Variants in SNX19 observed in about 807,000 individuals in gnomAD.
SNX19 encodes sorting nexin 19.
SNX19 carries 60 observed loss-of-function variants against 85.2 expected under a neutral mutation model. That is an observed-to-expected ratio of 0.70 (90% CI 0.57 to 0.87). SNX19 has a LOEUF of 0.87. SNX19 is among the 40% of genes least tolerant of loss of function. The pLI, the probability that SNX19 is intolerant of heterozygous loss-of-function variation, is 0.00. For synonymous variants in SNX19, 520 were observed against 470.0 expected (o/e 1.11, Z -1.38); for missense variants, 1,201 against 1,217.8 (o/e 0.99, Z 0.21).
chr11:130,882,352 C>T (rs1020773407), intron 8 of SNX19, among the ~76,000 whole-genome samples: 1 of 152,240 alleles, frequency 6.6e-6, no homozygotes, highest in African/African-American at 2.4e-5. Context: ...TCACTTGTCA[C>T]TCATCCAAGA....
intron 2 of SNX19, chr11:130,911,388 C>A (rs949430231): frequency 2.7e-5 from 33 of 1,220,384 alleles, no homozygotes; most frequent in Non-Finnish European, 3.4e-5. Context: ...AATGTGAACA[C>A]TTATTTTTTA....
rs111502219 is a variant in SNX19, at chr11:130,914,933, A to G, written c.1007T>C (p.Val336Ala). The G allele has an allele frequency of 4.9e-5, 79 of 1,614,074 alleles. 1 individual carries two copies. The African/African-American group carries it at 8.9e-4, about 18-fold the overall frequency. The change falls in exon 1 of 11, where the codon GTA becomes GCA. Residue 336 changes from valine to alanine, a missense_variant. Val to Ala is a moderately conservative substitution (Grantham distance 64). Transcript: ENST00000265909. Reference protein sequence around the residue: ...SPEVEEGHEAVEGDLGGMCEE... With the variant: ...SPEVEEGHEAAEGDLGGMCEE... ...ACACATCCCACCCAAATCTCCCTCT[A>G]CAGCTTCGTGGCCTTCTTCAACCTC... is the stretch of plus-strand genomic sequence containing the variant.
chr11:130,914,099 C>T (rs935437751), intron 1 of SNX19, among the ~76,000 whole-genome samples, 167 bp downstream of exon 1: 7 of 151,820 alleles, frequency 4.6e-5, no homozygotes, highest in Non-Finnish European at 7.4e-5. Flanking sequence ...ACAGGATAAA[C>T]GCTACTCTGC....
rs777849084 is a variant in SNX19 at position 130,908,075 on chromosome 11, C to T, written c.2043G>A (p.Val681=). Residue 681 remains valine (V), a synonymous_variant, in exon 5 of 11, where the codon GTG becomes GTA. Coordinates refer to ENST00000265909, the MANE Select transcript of SNX19 (RefSeq NM_014758.3). The stretch of plus-strand genomic sequence containing the variant: ...TCTTCAAGGTGTCCACAATGGCACT[C>T]ACCACCATCTGCAGGGGTCAGAGGT... The part of the protein sequence containing the change: ...FMVSRIDKMV[V]SAIVDTLKTA... 6.8e-6 allele frequency: 11 copies of T among 1,614,058 alleles called. No individual in the cohort carries two copies. Among genetic ancestry groups the T allele is most frequent in the Non-Finnish European group, 9.3e-6 (11 of 1,179,984 alleles).
rs55760221 is a variant in SNX19 at position 130,892,285 on chromosome 11, C to T, written c.2573+10970G>A. The stretch of plus-strand genomic sequence containing the variant: ...CAGGACTGACAGACTTTAAAAATGA[C>T]ACTGAAAAGCGACAGACAGGTTTGA... On this transcript the variant is annotated intron_variant, in intron 8 of 10. Coordinates refer to ENST00000265909, the MANE Select transcript of SNX19 (RefSeq NM_014758.3). Among the ~76,000 whole-genome samples the T allele has an allele frequency of 1.3e-3, 201 of 151,890 alleles. 1 individual carries two copies. Among genetic ancestry groups the T allele is most frequent in the African/African-American group, 4.7e-3 (193 of 41,350 alleles).
At chr11:130,890,251 T>C (rs1169066439) in intron 8 of SNX19, among the ~76,000 whole-genome samples, 1 of 152,138 alleles carries the variant, frequency 6.6e-6, no homozygotes, top group Non-Finnish European at 1.5e-5. Flanking sequence ...TGATCCTACC[T>C]CCTCAATATC....
intron 3 of SNX19, 30 bp from the exon 4 acceptor site, chr11:130,910,167 A>C (rs781562088): frequency 6.2e-7 from 1 of 1,613,990 alleles, no homozygotes; most frequent in Non-Finnish European, 8.5e-7. Flanking sequence ...ACACATTTTA[A>C]AGAGAAATTC....
In SNX19 at chr11:130,879,670, T is replaced by G. The variant is rs1254592891; in HGVS notation, c.2800A>C (p.Ser934Arg). 4.3e-6 allele frequency: 7 copies of G among 1,613,976 alleles called. No individual in the cohort carries two copies. The East Asian group carries it at 1.6e-4, about 36-fold the overall frequency. The change falls in exon 10 of 11, where the codon AGC becomes CGC. Residue 934 changes from serine to arginine, a missense_variant. Transcript: ENST00000265909. ...AGTGACTCCAGGACTAGACCCCAGC[T>G]CAGCCGGCATTTGTTCACCCCAAGA... Reference protein sequence around the residue: ...EILGVNKCRLSWGLVLESLQQ... With the variant: ...EILGVNKCRLRWGLVLESLQQ...
chr11:130,893,910 C>G (rs1944682721), intron 8 of SNX19: 1 of 671,358 alleles, frequency 1.5e-6, no homozygotes, highest in African/African-American at 1.8e-5. Flanking sequence ...CCAAATAGCT[C>G]TACTTCTCCA....
In SNX19 at chr11:130,914,619, G is replaced by C. The variant is rs1946397608; in HGVS notation, c.1321C>G (p.Leu441Val). The C allele has an allele frequency of 6.2e-7, 1 of 1,613,854 alleles. No homozygotes were observed. The highest frequency in any genetic ancestry group is 8.5e-7 in the Non-Finnish European group (1 of 1,179,866). ...ATATGGATCTCTGGGCAGGAATTCA[G>C]TGTGGAGACCGGCAGGCCTGTCTCT... ...ETETGLPVST[L>V]NSCPEIHIDT... Residue 441 changes from leucine to valine, a missense_variant, in exon 1 of 11, where the codon CTG (leucine) becomes GTG (valine). By Grantham distance (32) the Leu-to-Val change is conservative. Coordinates refer to ENST00000265909, the MANE Select transcript of SNX19 (RefSeq NM_014758.3).
chr11:130,878,465 G>A lies in SNX19; in HGVS notation c.2936C>T (p.Ser979Leu), dbSNP rs753033459. 5.6e-6 allele frequency: 9 copies of A among 1,613,934 alleles called. No individual in the cohort carries two copies. In the South Asian group the frequency reaches 9.9e-5, roughly 18 times the overall value. ...VEESAATTSA[S>L]DTPGNSKRMG... ...CCTCTTAGAGTTGCCTGGGGTATCTGAGGCAGAGGTGGTAGCAGCAGACTC... is the reference window on the plus strand; with the variant it reads ...CCTCTTAGAGTTGCCTGGGGTATCTAAGGCAGAGGTGGTAGCAGCAGACTC... Residue 979 changes from serine (S) to leucine (L), a missense_variant, in exon 11 of 11, where the codon TCA becomes TTA. Physicochemically the swap from Ser to Leu is moderately radical, Grantham distance 145. This residue lies in a region of SNX19 where 285 missense variants were observed against 295.3 expected (regional missense o/e 0.97). Transcript: ENST00000265909.
Position 130,867,433 on chromosome 11 carries a change from G to A in SNX19, c.*10989C>T, listed in dbSNP as rs539935302. On this transcript the variant is annotated 3_prime_UTR_variant, in exon 11 of 11. Transcript: ENST00000265909. ...ACCATCCTGGGAAAAGCTAACTGGC[G>A]GTGAGCAGGCTCTTGGACTCCATGA... 1.9e-4 allele frequency: 29 copies of A among 152,314 alleles called. 1 individual carries two copies. The highest frequency in any genetic ancestry group is 5.1e-4 in the African/African-American group (21 of 41,560). 9.4% of individuals were successfully genotyped at this position (152,314 alleles called of 1,614,324 possible).
Position 130,907,950 on chromosome 11 carries a change from C to A in SNX19, c.2165+3G>T, listed in dbSNP as rs1221838664. The A allele has an allele frequency of 3.7e-6, 6 of 1,613,412 alleles. No individual in the cohort carries two copies. Among genetic ancestry groups the A allele is most frequent in the Non-Finnish European group, 5.1e-6 (6 of 1,179,938 alleles). On this transcript the variant is annotated splice_donor_region_variant and intron_variant, in intron 5 of 10. Coordinates refer to ENST00000265909, the MANE Select transcript of SNX19 (RefSeq NM_014758.3). ...GGTCCCTGGGTAACTGAGGGCTTCT[C>A]ACTTGCTAGCCTTCTTGCCTTCTGT...
rs529043239 is a variant in SNX19, at chr11:130,908,077, C to A, written c.2041G>T (p.Val681Leu). 7.4e-5 allele frequency: 120 copies of A among 1,614,014 alleles called. No homozygotes were observed. The highest frequency in any genetic ancestry group is 5.7e-4 in the Admixed American group (34 of 60,006). ...FMVSRIDKMV[V>L]SAIVDTLKTA... ...TTCAAGGTGTCCACAATGGCACTCA[C>A]CACCATCTGCAGGGGTCAGAGGTGC... is the stretch of plus-strand genomic sequence containing the variant. Residue 681 changes from valine to leucine, a missense_variant, in exon 5 of 11, where the codon GTG (valine) becomes TTG (leucine). Around this residue, in one of 3 missense-constraint regions of SNX19, gnomAD observed 125 missense variants for 171.6 expected, o/e 0.73. Transcript: ENST00000265909.
rs1333539933 is a variant in SNX19 at position 130,872,821 on chromosome 11, C to A, written c.*5601G>T. 1.3e-5 allele frequency among the ~76,000 whole-genome samples: 2 copies of A among 152,196 alleles called. No individual in the cohort carries two copies. The highest frequency in any genetic ancestry group is 4.8e-5 in the African/African-American group (2 of 41,458). ...TTTCCCTGGTTCCCATCCCCTTCCA[C>A]ATCCAGCAGTGTGGGCTAACCTTCC... On this transcript the variant is annotated 3_prime_UTR_variant, in exon 11 of 11. Coordinates refer to ENST00000265909, the MANE Select transcript of SNX19 (RefSeq NM_014758.3).
At chr11:130,884,871 CAAAAAAA>C (rs34426333) in intron 8 of SNX19, among the ~76,000 whole-genome samples, 1 of 64,994 alleles carries the variant, frequency 1.5e-5, no homozygotes, top group African/African-American at 5.4e-5. Flanking sequence ...GACTCCATCT[CAAAAAAA>C]AAAAAAAAAA....
intron 8 of SNX19, among the ~76,000 whole-genome samples, chr11:130,888,117 T>G (rs796097629): frequency 7.2e-5 from 11 of 152,162 alleles, no homozygotes; most frequent in African/African-American, 2.2e-4. Flanking sequence ...AAAAAAATCG[T>G]GTGCCCCTCT....
At chr11:130,911,172 G>C (rs1946086512) in intron 2 of SNX19, among the ~76,000 whole-genome samples, 1 of 148,832 alleles carries the variant, frequency 6.7e-6, no homozygotes, top group African/African-American at 2.5e-5. Flanking sequence ...TCCAGCATGG[G>C]GGACAGAGCG....
chr11:130,894,095 C>T (rs554520921), intron 8 of SNX19, among the ~76,000 whole-genome samples: 3 of 149,216 alleles, frequency 2.0e-5, no homozygotes, highest in African/African-American at 7.3e-5. Context: ...TTCCTAACAT[C>T]GGGGCTATTC....
Sources: allele counts gnomAD v4.1 joint callset (sites outside exome capture counted in the v4.1 genomes callset), GRCh38; gene constraint gnomAD v4.1.1; regional missense constraint gnomAD v4.1.1; transcripts MANE v1.5; gene names NCBI Gene and HGNC (gene_info 2026-07-23, HGNC 2026-07-21).